AFAP1: variants seen among roughly 807,000 people sequenced by gnomAD.
The protein encoded by AFAP1 is actin filament-associated protein 1.
A neutral mutation model predicts 93.9 loss-of-function variants in AFAP1; 75 were observed. That is an observed-to-expected ratio of 0.80 (90% confidence interval 0.66 to 0.97). The LOEUF is 0.97. Ranked by LOEUF, AFAP1 falls within the 50% of genes least tolerant of loss-of-function variation. The probability of loss-of-function intolerance (pLI) is 0.00; values close to 1 mark genes in which losing one functional copy is unlikely to be tolerated. For synonymous variants in AFAP1, 517 were observed against 430.7 expected, an observed-to-expected ratio of 1.20 and a Z score of -2.48; for missense variants, 1,201 against 1,050.8, an observed-to-expected ratio of 1.14 and a Z score of -1.98.
intron 14 of AFAP1, chr4:7,777,571 G>C (rs1410935087): frequency 6.6e-6 from 1 of 152,378 alleles, no homozygotes; most frequent in East Asian, 1.9e-4. Context: ...CTCTTCGACA[G>C]CTGGTGTGGG....
Position 7,939,192 on chromosome 4 carries a change from C to T in AFAP1, c.-3+464G>A, listed in dbSNP as rs922276742. On this transcript the variant is annotated intron_variant, in intron 1 of 17. Coordinates refer to ENST00000420658, the MANE Select transcript of AFAP1 (RefSeq NM_001134647.2). This position sits in a 1 kb window ranked among gnomAD's most constrained non-coding sequence, Gnocchi z 5.6. ...TGCGGGGCCAAGAAAGAGCCCCCAT[C>T]CAGAGTCACGGACCCCCTCGTCCGA... 3 of 217,504 alleles carry T rather than the reference C, an allele frequency of 1.4e-5. No homozygotes were observed. Among genetic ancestry groups the T allele is most frequent in the African/African-American group, 7.2e-5 (3 of 41,750 alleles). The allele number at this position is 217,504 out of a possible 1,614,324, so 13.5% of individuals were successfully genotyped here.
rs1340639405 is a variant in AFAP1, at chr4:7,761,822, G to A, written c.*1943C>T. On this transcript the variant is annotated 3_prime_UTR_variant, in exon 18 of 18. Transcript: ENST00000420658. ...GTGGGAAGTCTGCCTGCAATGGTGGGAAGTGACCACTGGAGGGAGGGCTCC... is the reference window on the plus strand; with the variant it reads ...GTGGGAAGTCTGCCTGCAATGGTGGAAAGTGACCACTGGAGGGAGGGCTCC... The A allele has an allele frequency of 6.6e-6, 1 of 152,318 alleles. No individual in the cohort carries two copies. Among genetic ancestry groups the A allele is most frequent in the East Asian group, 1.9e-4 (1 of 5,186 alleles). The allele number at this position is 152,318 out of a possible 1,614,324, so 9.4% of individuals were successfully genotyped here.
chr4:7,868,365 G>C (rs1392959884), intron 3 of AFAP1, among the ~76,000 whole-genome samples: 4 of 152,144 alleles, frequency 2.6e-5, no homozygotes, highest in Non-Finnish European at 5.9e-5. Flanking sequence ...TGGCCCTGTA[G>C]CTCCTGCTAT....
rs1456173834 is a variant in AFAP1 at position 7,939,824 on chromosome 4, G to C, written c.-171C>G. 1.7e-5 allele frequency: 5 copies of C among 293,696 alleles called. No homozygotes were observed. Among genetic ancestry groups the C allele is most frequent in the South Asian group, 5.3e-5 (2 of 37,850 alleles). The allele number at this position is 293,696 out of a possible 1,614,324, so 18.2% of individuals were successfully genotyped here. A position where few individuals can be genotyped will look rare whatever the true frequency, so the allele number is the denominator to read the frequency against. On this transcript the variant is annotated 5_prime_UTR_variant, in exon 1 of 18. Transcript: ENST00000420658. The surrounding 1 kb of genome is among the most constrained non-coding windows in gnomAD (Gnocchi z 5.6). ...CCGCTCGAGATCCGGCTCGGCTCGCGGAGCTGCAGCCGGCGTGGGGCTGCG... is the reference window on the plus strand; with the variant it reads ...CCGCTCGAGATCCGGCTCGGCTCGCCGAGCTGCAGCCGGCGTGGGGCTGCG...
intron 16 of AFAP1, among the ~76,000 whole-genome samples, chr4:7,771,544 AGATGTGAAT>A (rs1032147566): frequency 1.2e-4 from 19 of 152,342 alleles, no homozygotes; most frequent in African/African-American, 4.1e-4. Context: ...ATGTTTGGGA[AGATGTGAAT>A]GATGTGAATG....
chr4:7,938,744 T>C (rs1446615566), intron 1 of AFAP1, among the ~76,000 whole-genome samples: 1 of 152,096 alleles, frequency 6.6e-6, no homozygotes, highest in Non-Finnish European at 1.5e-5. Flanking sequence ...ATTTTTTTTT[T>C]CTTCCCATTA....
intron 5 of AFAP1, 131 bp from the exon 6 acceptor site, chr4:7,838,834 TCACACACA>T (rs113955695): frequency 4.6e-5 from 34 of 744,818 alleles, no homozygotes; most frequent in East Asian, 3.5e-4. Context: ...ATGAGCAGGT[TCACACACA>T]CACACACACA....
intron 1 of AFAP1, among the ~76,000 whole-genome samples, chr4:7,932,623 A>G (rs1721140805): frequency 6.6e-6 from 1 of 152,214 alleles, no homozygotes; most frequent in African/African-American, 2.4e-5. Flanking sequence ...GCAGGCCATC[A>G]AAATACTCCA....
chr4:7,852,478 G>C (rs1049463027), intron 4 of AFAP1, among the ~76,000 whole-genome samples: 2 of 152,138 alleles, frequency 1.3e-5, no homozygotes, highest in African/African-American at 4.8e-5. Context: ...TGGGAGTAAG[G>C]AAGAACACGC....
intron 11 of AFAP1, among the ~76,000 whole-genome samples, chr4:7,789,187 A>C (rs1160086445): frequency 6.6e-6 from 1 of 152,166 alleles, no homozygotes; most frequent in Non-Finnish European, 1.5e-5. Context: ...ACTAAACACG[A>C]GGCCTCGGTC....
chr4:7,869,203 A>T (rs1335125589), intron 2 of AFAP1, among the ~76,000 whole-genome samples: 1 of 148,224 alleles, frequency 6.7e-6, no homozygotes, highest in Non-Finnish European at 1.5e-5. Context: ...GAAGGAAGGA[A>T]GGGAGGGATG....
chr4:7,919,020 C>T (rs895401159), intron 1 of AFAP1, among the ~76,000 whole-genome samples: 2 of 149,792 alleles, frequency 1.3e-5, no homozygotes, highest in African/African-American at 2.5e-5. Context: ...ATGAGACACT[C>T]GGCCCAGGTC....
intron 3 of AFAP1, among the ~76,000 whole-genome samples, chr4:7,864,912 AG>A (rs1180647127): frequency 6.6e-6 from 1 of 152,138 alleles, no homozygotes; most frequent in Non-Finnish European, 1.5e-5. Flanking sequence ...CAGGAGTTCA[AG>A]GCTGCAGTGA....
In AFAP1 at chr4:7,778,496, C is replaced by T. The variant is rs1577194375; in HGVS notation, c.1897+266G>A. 3.0e-5 allele frequency: 16 copies of T among 526,012 alleles called. No homozygotes were observed. In the East Asian group the frequency reaches 5.6e-4, roughly 18 times the overall value. The allele number at this position is 526,012 out of a possible 1,614,324, so 32.6% of individuals were successfully genotyped here. A position where few individuals can be genotyped will look rare whatever the true frequency, so the allele number is the denominator to read the frequency against. On this transcript the variant is annotated intron_variant, in intron 14 of 17. Coordinates refer to ENST00000420658, the MANE Select transcript of AFAP1 (RefSeq NM_001134647.2). ...CACCCGGAGCTGCAAGAAACCTGCA[C>T]TCACAACTGCCTCCTATTTTAAAAT...
chr4:7,923,968 T>C (rs1210803699), intron 1 of AFAP1, among the ~76,000 whole-genome samples: 1 of 152,202 alleles, frequency 6.6e-6, no homozygotes, highest in Non-Finnish European at 1.5e-5. Context: ...AACAACCAAA[T>C]GAGCAGGAGA....
At chr4:7,874,301 A>C (rs1261302342) in intron 1 of AFAP1, among the ~76,000 whole-genome samples, 1 of 151,826 alleles carries the variant, frequency 6.6e-6, no homozygotes, top group Non-Finnish European at 1.5e-5. Context: ...TTTTCTGAAA[A>C]GGCTACTGAA....
rs1264460663 is a variant in AFAP1 at position 7,774,891 on chromosome 4, T to C, written c.1910A>G (p.Tyr637Cys). ...VKRTGSNAAQ[Y>C]KYGKNRVEAD... ...TTCTACCCGGTTCTTGCCATACTTG[T>C]ACTGGGCAGCATCTTGAGAAGAAAA... The change falls in exon 15 of 18, where the codon TAC becomes TGC. Residue 637 changes from tyrosine (Y) to cysteine (C), a missense_variant. Tyr to Cys is a radical substitution (Grantham distance 194). Transcript: ENST00000420658. 2.5e-6 allele frequency: 4 copies of C among 1,613,132 alleles called. No homozygotes were observed. The highest frequency in any genetic ancestry group is 2.2e-5 in the East Asian group (1 of 44,870).
intron 1 of AFAP1, among the ~76,000 whole-genome samples, chr4:7,889,028 G>A (rs1718287548): frequency 6.6e-6 from 1 of 151,996 alleles, no homozygotes; most frequent in Non-Finnish European, 1.5e-5. Flanking sequence ...CTGACCTCAA[G>A]TGATCTGCCC....
intron 1 of AFAP1, among the ~76,000 whole-genome samples, chr4:7,920,172 G>A (rs948613071): frequency 6.6e-6 from 1 of 152,140 alleles, no homozygotes; most frequent in South Asian, 2.1e-4. Flanking sequence ...TGGGATTGCT[G>A]AGTCAAATGG....
Sources: gnomAD v4.1 joint callset for allele counts (sites outside exome capture counted in the v4.1 genomes callset) on GRCh38, gnomAD v4.1.1 for gene constraint, Gnocchi (gnomAD v3.1) non-coding constraint, MANE v1.5 for transcripts, NCBI Gene and HGNC (gene_info 2026-07-23, HGNC 2026-07-21) for gene names.